PSMD7: variants seen among roughly 807,000 people sequenced by gnomAD.
PSMD7 encodes proteasome 26S subunit, non-ATPase 7, also known as 26S proteasome non-ATPase regulatory subunit 7.
PSMD7 carries 13 observed loss-of-function variants against 36.4 expected under a neutral mutation model. The observed-to-expected ratio is 0.36, with a 90% confidence interval of 0.23 to 0.57. The LOEUF is 0.57. PSMD7 is among the 20% of genes least tolerant of loss of function. The pLI is 0.83. For missense variants in PSMD7, 298 were observed against 393.6 expected, an observed-to-expected ratio of 0.76 and a Z score of 2.06; for synonymous variants, 186 against 151.0, an observed-to-expected ratio of 1.23 and a Z score of -1.70.
Position 74,305,955 on chromosome 16 carries a change from TAGTC to T in PSMD7, c.*225_*228del, listed in dbSNP as rs1469719135. ...TCGCTGCTGTGAGTTGGGGATATGATAGTCAGCTCAGGCTTCAGATTGTATGAGA... is the reference window on the plus strand; with the variant it reads ...TCGCTGCTGTGAGTTGGGGATATGATAGCTCAGGCTTCAGATTGTATGAGA... On this transcript the variant is annotated 3_prime_UTR_variant, in exon 7 of 7. Coordinates refer to ENST00000219313, the MANE Select transcript of PSMD7 (RefSeq NM_002811.5). 3.1e-5 allele frequency: 12 copies of T among 388,920 alleles called. No individual in the cohort carries two copies. Among genetic ancestry groups the T allele is most frequent in the Non-Finnish European group, 2.7e-5 (6 of 226,028 alleles). The allele number at this position is 388,920 out of a possible 1,614,324, so 24.1% of individuals were successfully genotyped here.
intron 5 of PSMD7, among the ~76,000 whole-genome samples, chr16:74,302,782 A>G (rs1346638220): frequency 6.6e-6 from 1 of 152,192 alleles, no homozygotes; most frequent in Non-Finnish European, 1.5e-5. Context: ...TTACAAATGA[A>G]AAGTTTAAGG....
intron 1 of PSMD7, among the ~76,000 whole-genome samples, chr16:74,299,100 G>T (rs935966885): frequency 7.0e-6 from 1 of 143,212 alleles, no homozygotes; most frequent in South Asian, 2.2e-4. Flanking sequence ...ACCATTTATA[G>T]ATTTGCCAAC....
At chr16:74,297,133 G>C (rs959487242) in intron 1 of PSMD7, 145 bp downstream of exon 1, 5 of 848,228 alleles carry the variant, frequency 5.9e-6, no homozygotes, top group African/African-American at 1.7e-5. Flanking sequence ...CCAGACCAGC[G>C]TCGGCTCACG....
chr16:74,304,181 A>G (rs1225298191), intron 5 of PSMD7, 122 bp from the exon 6 acceptor site: 7 of 799,968 alleles, frequency 8.8e-6, no homozygotes, highest in African/African-American at 6.9e-5. Context: ...TGCCATAGAA[A>G]ATTCTCAGTC....
chr16:74,299,440 G>A (rs1426496006), intron 1 of PSMD7: 3 of 376,090 alleles, frequency 8.0e-6, no homozygotes, highest in East Asian at 8.7e-5. Context: ...CACAATCTCA[G>A]CTCACTGTAG....
intron 3 of PSMD7, 46 bp from the exon 4 acceptor site, chr16:74,301,509 G>C: frequency 7.2e-7 from 1 of 1,384,126 alleles, no homozygotes; most frequent in Non-Finnish European, 1.0e-6. Flanking sequence ...GAGTTGTATA[G>C]ATCTTCATGA....
rs536672128 is a variant in PSMD7, at chr16:74,304,317, C to T, written c.453C>T (p.Thr151=). 1.1e-5 allele frequency: 17 copies of T among 1,613,976 alleles called. No individual in the cohort carries two copies. Among genetic ancestry groups the T allele is most frequent in the Non-Finnish European group, 1.4e-5 (17 of 1,179,978 alleles). ...TCCTCTCCCAGGATGGAACTCCAACCTCGAAAACATTTGAACACGTGACCA... is the reference window on the plus strand; with the variant it reads ...TCCTCTCCCAGGATGGAACTCCAACTTCGAAAACATTTGAACACGTGACCA... The part of the protein sequence containing the change: ...VEEVHDDGTP[T]SKTFEHVTSE... Residue 151 remains threonine, a synonymous_variant, in exon 6 of 7, where the codon ACC becomes ACT. Transcript: ENST00000219313.
Position 74,306,055 on chromosome 16 carries a change from T to G in PSMD7, c.*322T>G. 5.2e-6 allele frequency: 1 copy of G among 193,380 alleles called. No homozygotes were observed. The allele number at this position is 193,380 out of a possible 1,614,324, so 12.0% of individuals were successfully genotyped here. A position where few individuals can be genotyped will look rare whatever the true frequency, so the allele number is the denominator to read the frequency against. On this transcript the variant is annotated 3_prime_UTR_variant, in exon 7 of 7. Transcript: ENST00000219313. The stretch of plus-strand genomic sequence containing the variant: ...TATCTCTAAAACCAGGAGTTGAATT[T>G]TCCTCATCTTGAAAGACTCTTGGGG...
At chr16:74,303,394 C>T (rs2034171167) in intron 5 of PSMD7, among the ~76,000 whole-genome samples, 2 of 152,226 alleles carry the variant, frequency 1.3e-5, no homozygotes, top group African/African-American at 4.8e-5. Context: ...GCTGTGGAGC[C>T]TGTACTCTTA....
intron 5 of PSMD7, among the ~76,000 whole-genome samples, chr16:74,303,604 G>A (rs2034172778): frequency 1.3e-5 from 2 of 152,108 alleles, no homozygotes; most frequent in Non-Finnish European, 2.9e-5. Context: ...TGATTGCATT[G>A]GTTTGGGCAC....
chr16:74,299,810 G>T, intron 1 of PSMD7: 1 of 451,120 alleles, frequency 2.2e-6, no homozygotes, highest in Non-Finnish European at 4.0e-6. Flanking sequence ...TGTGTTTTCA[G>T]ACTAAGATCT....
rs150615969 is a variant in PSMD7 at position 74,305,562 on chromosome 16, C to T, written c.804C>T (p.Ser268=). 1.6e-4 allele frequency: 264 copies of T among 1,612,524 alleles called. 4 individuals are homozygous for T. The South Asian group carries it at 2.6e-3, about 16-fold the overall frequency. ...TGTACTTGGCCTCGCTGATCCGTTC[C>T]GTGGTCGCCCTGCACAACCTCATCA... is the stretch of plus-strand genomic sequence containing the variant. ...VVVYLASLIR[S]VVALHNLINN... is the part of the protein sequence containing the mutation. The change falls in exon 7 of 7, where the codon TCC becomes TCT. Residue 268 remains serine (S), a synonymous_variant. Transcript: ENST00000219313.
At chr16:74,299,504 C>A in intron 1 of PSMD7, 1 of 449,102 alleles carries the variant, frequency 2.2e-6, no homozygotes, top group South Asian at 1.6e-5. Context: ...CTCAGTCCCC[C>A]AGCCCCAAGT....
chr16:74,301,529 A>C (rs1322177130), intron 3 of PSMD7, 26 bp from the exon 4 acceptor site: 1 of 1,518,512 alleles, frequency 6.6e-7, no homozygotes, highest in Non-Finnish European at 9.1e-7. Flanking sequence ...AAATAGTTAA[A>C]GCCTGCTAAT....
chr16:74,301,500 A>C, intron 3 of PSMD7, 55 bp from the exon 4 acceptor site: 1 of 1,277,098 alleles, frequency 7.8e-7, no homozygotes. Flanking sequence ...TTTTTGAGGG[A>C]GTTGTATAGA....
intron 1 of PSMD7, among the ~76,000 whole-genome samples, chr16:74,298,965 C>T (rs918822393): frequency 3.3e-5 from 5 of 152,078 alleles, no homozygotes; most frequent in African/African-American, 4.8e-5. Context: ...CAAAAGCCCA[C>T]GAGTATGGAA....
chr16:74,304,487 G>T, intron 6 of PSMD7, 93 bp downstream of exon 6: 2 of 1,137,146 alleles, frequency 1.8e-6, no homozygotes, highest in African/African-American at 1.5e-5. Context: ...GAGACCTGGG[G>T]TCTCGTCCTG....
intron 6 of PSMD7, 131 bp downstream of exon 6, chr16:74,304,525 G>A (rs893490675): frequency 1.3e-5 from 9 of 689,800 alleles, no homozygotes; most frequent in East Asian, 5.5e-5. Flanking sequence ...CTGCCATTCT[G>A]AGCAAATCAC....
intron 1 of PSMD7, chr16:74,299,544 G>A: frequency 2.2e-6 from 1 of 455,204 alleles, no homozygotes; most frequent in Non-Finnish European, 4.4e-6. Context: ...TCCCCACTAT[G>A]CCCGGCTAAG....
Sources: gnomAD v4.1 joint callset for allele counts (sites outside exome capture counted in the v4.1 genomes callset) on GRCh38, gnomAD v4.1.1 for gene constraint, MANE v1.5 for transcripts, NCBI Gene and HGNC (gene_info 2026-07-23, HGNC 2026-07-21) for gene names.